Variants in ASTN2 observed in about 807,000 individuals in gnomAD.
ASTN2 encodes astrotactin 2.
In ASTN2, 54 loss-of-function variants were observed where a neutral mutation model predicts 139.8. That is an observed-to-expected ratio of 0.39 (90% confidence interval 0.31 to 0.48). The LOEUF (loss-of-function observed/expected upper bound fraction) is 0.48. ASTN2 is among the 20% of genes least tolerant of loss of function. The probability of loss-of-function intolerance (pLI) is 0.95; values close to 1 mark genes in which losing one functional copy is unlikely to be tolerated. For synonymous variants in ASTN2, 756 were observed against 719.5 expected (o/e 1.05, Z -0.81); for missense variants, 1,565 against 1,725.1 (o/e 0.91, Z 1.64).
At position 116,729,717 on chromosome 9, in the gene ASTN2, T is replaced by A. The variant is rs11999648; in HGVS notation, c.2522-621A>T. On this transcript the variant is annotated intron_variant, in intron 14 of 22. Coordinates refer to ENST00000313400, the MANE Select transcript of ASTN2 (RefSeq NM_001365068.1). ...TCATTTCTTAACATGGAAACATGGA[T>A]GTTCATAAGTATTATGTAAAATATA... is the stretch of plus-strand genomic sequence containing the variant. Among the ~76,000 whole-genome samples the A allele has an allele frequency of 7.1e-3, 1,075 of 152,364 alleles. 12 individuals are homozygous for A. The highest frequency in any genetic ancestry group is 0.024 in the African/African-American group (997 of 41,594).
At chr9:117,356,454 A>T (rs975541846) in intron 1 of ASTN2, among the ~76,000 whole-genome samples, 4 of 152,210 alleles carry the variant, frequency 2.6e-5, no homozygotes, top group African/African-American at 9.6e-5. Flanking sequence ...ATGGCCATCA[A>T]TTAAAATCAG....
chr9:117,040,751 T>C (rs1855464), intron 5 of ASTN2, among the ~76,000 whole-genome samples: 42,517 of 152,092 alleles, frequency 0.28, 6,226 homozygotes, highest in Middle Eastern at 0.32. Context: ...AAGCCACCAC[T>C]TCAGTTTCTT....
intron 3 of ASTN2, among the ~76,000 whole-genome samples, chr9:117,211,699 C>T (rs779200918): frequency 8.5e-5 from 13 of 152,070 alleles, no homozygotes; most frequent in Admixed American, 2.6e-4. Context: ...TAAAAAAATT[C>T]GGAAAAGTTC....
chr9:117,175,941 G>T (rs1164955336), intron 3 of ASTN2, among the ~76,000 whole-genome samples: 1 of 151,684 alleles, frequency 6.6e-6, no homozygotes, highest in Non-Finnish European at 1.5e-5. Flanking sequence ...GTCATAGATT[G>T]GAAGAAGATA....
At position 116,698,290 on chromosome 9, in the gene ASTN2, C is replaced by G. The variant is rs1428454171; in HGVS notation, c.2806+27481G>C. ...AAGGACCTTCAGGCAAGGTATAAAG[C>G]AGTTCTCCAGGAGTATGGGCATGAG... On this transcript the variant is annotated intron_variant, in intron 16 of 22. Coordinates refer to ENST00000313400, the MANE Select transcript of ASTN2 (RefSeq NM_001365068.1). This position sits in a 1 kb window ranked among gnomAD's most constrained non-coding sequence, Gnocchi z 4.4. The G allele has an allele frequency of 6.2e-7, 1 of 1,614,182 alleles. No individual in the cohort carries two copies. Among genetic ancestry groups the G allele is most frequent in the South Asian group, 1.1e-5 (1 of 91,076 alleles).
intron 11 of ASTN2, among the ~76,000 whole-genome samples, chr9:116,832,883 A>G (rs765175933): frequency 3.9e-5 from 6 of 151,964 alleles, no homozygotes; most frequent in Non-Finnish European, 8.8e-5. Flanking sequence ...AATGTCTTAA[A>G]ATGATTTGGG....
chr9:117,030,772 G>T lies in ASTN2; in HGVS notation c.1423+9047C>A, dbSNP rs949251427. ...AAGAGATTTGAAGAAAAAAAAAAAA[G>T]AATTCTACTCTAGGGGGTATCCACA... On this transcript the variant is annotated intron_variant, in intron 6 of 22. Coordinates refer to ENST00000313400, the MANE Select transcript of ASTN2 (RefSeq NM_001365068.1). 3.3e-5 allele frequency among the ~76,000 whole-genome samples: 5 copies of T among 149,466 alleles called. No homozygotes were observed. In the South Asian group the frequency reaches 6.4e-4, roughly 19 times the overall value.
rs997392556 is a variant in ASTN2 at position 116,528,625 on chromosome 9, GA to G, written c.3356-41126del. Reference sequence around the variant, plus strand: ...AAATGTTAATAGCCAAGACAATGGGGAAAATATATTCAGGGCATTTCAGAAA... The same window carrying G: ...AAATGTTAATAGCCAAGACAATGGGGAAATATATTCAGGGCATTTCAGAAA... On this transcript the variant is annotated intron_variant, in intron 19 of 22. Transcript: ENST00000313400. Among the ~76,000 whole-genome samples, 29 of 152,312 alleles carry G rather than the reference GA, an allele frequency of 1.9e-4. 1 individual carries two copies. In the East Asian group the frequency reaches 5.2e-3, roughly 27 times the overall value.
intron 16 of ASTN2, among the ~76,000 whole-genome samples, chr9:116,718,607 G>T (rs149203455): frequency 6.6e-6 from 1 of 152,264 alleles, no homozygotes; most frequent in African/African-American, 2.4e-5. Context: ...TAAGCAGATT[G>T]TCCTCCTTAA....
At chr9:116,768,561 G>A (rs1309019253) in intron 13 of ASTN2, among the ~76,000 whole-genome samples, 2 of 152,038 alleles carry the variant, frequency 1.3e-5, no homozygotes, top group African/African-American at 4.8e-5. Flanking sequence ...GAATATTTCT[G>A]TCCCTGATGA....
At chr9:117,249,842 G>A (rs1200865835) in intron 2 of ASTN2, among the ~76,000 whole-genome samples, 1 of 152,076 alleles carries the variant, frequency 6.6e-6, no homozygotes, top group Admixed American at 6.6e-5. Context: ...TTATCCTGTT[G>A]CCTTCTTTGT....
In ASTN2 at chr9:116,932,581, T is replaced by C. The variant is rs140643871; in HGVS notation, c.1889+42627A>G. Reference sequence around the variant, plus strand: ...TTCAAATGTGGATGGGAGAGTTACATGCATGTGCCCTGGAACACCCCATGA... The same window carrying C: ...TTCAAATGTGGATGGGAGAGTTACACGCATGTGCCCTGGAACACCCCATGA... On this transcript the variant is annotated intron_variant, in intron 10 of 22. Transcript: ENST00000313400. Among the ~76,000 whole-genome samples, 638 of 152,156 alleles carry C rather than the reference T, an allele frequency of 4.2e-3. 3 individuals are homozygous for C. Among genetic ancestry groups the C allele is most frequent in the African/African-American group, 0.014 (572 of 41,510 alleles).
At chr9:116,679,055 C>T (rs1859676456) in intron 16 of ASTN2, among the ~76,000 whole-genome samples, 1 of 152,118 alleles carries the variant, frequency 6.6e-6, no homozygotes, top group East Asian at 1.9e-4. Context: ...CAGTTAGCCT[C>T]ATGCTATCTT....
At chr9:116,946,936 C>CAAAAAAAAAAAAAAAAAAAAAA (rs3983292) in intron 10 of ASTN2, among the ~76,000 whole-genome samples, 41 of 127,912 alleles carry the variant, frequency 3.2e-4, no homozygotes, top group African/African-American at 1.2e-3. Context: ...ACATTTTTGT[C>CAAAAAAAAAAAAAAAAAAAAAA]AAAAAAAAAA....
chr9:116,862,866 C>T lies in ASTN2; in HGVS notation c.2040+717G>A, dbSNP rs886577611. On this transcript the variant is annotated intron_variant, in intron 11 of 22. Coordinates refer to ENST00000313400, the MANE Select transcript of ASTN2 (RefSeq NM_001365068.1). ...CATACACGTTAAAAAGTCAGGCTCC[C>T]GGGACCTAATCTCCTCTCTAGAATA... 4.0e-5 allele frequency among the ~76,000 whole-genome samples: 6 copies of T among 151,518 alleles called. No homozygotes were observed. In the East Asian group the frequency reaches 5.8e-4, roughly 15 times the overall value.
At chr9:117,188,172 GAGAGAGAGAGAGAGAGAGAGAC>G (rs1462388161) in intron 3 of ASTN2, among the ~76,000 whole-genome samples, 441 of 125,278 alleles carry the variant, frequency 3.5e-3, no homozygotes, top group Middle Eastern at 7.8e-3. Flanking sequence ...GTGATAGAGA[GAGAGAGAGAGAGAGAGAGAGAC>G]AGAGAGAGAG....
intron 13 of ASTN2, among the ~76,000 whole-genome samples, chr9:116,792,232 T>C (rs1830578617): frequency 6.6e-6 from 1 of 152,128 alleles, no homozygotes; most frequent in Non-Finnish European, 1.5e-5. Flanking sequence ...TTACTTTCTA[T>C]CCCCAGTCAA....
At chr9:117,352,288 G>A (rs546819054) in intron 1 of ASTN2, among the ~76,000 whole-genome samples, 5 of 152,210 alleles carry the variant, frequency 3.3e-5, no homozygotes, top group Admixed American at 2.6e-4. Flanking sequence ...ACTGATTTCC[G>A]CTGTACTTTC....
intron 6 of ASTN2, among the ~76,000 whole-genome samples, chr9:117,032,842 G>A (rs1040884310): frequency 3.9e-5 from 6 of 152,178 alleles, no homozygotes; most frequent in South Asian, 2.1e-4. Context: ...CATGGGCTAA[G>A]AAGCCATACT....
Sources: gnomAD v4.1 joint callset for allele counts (sites outside exome capture counted in the v4.1 genomes callset) on GRCh38, gnomAD v4.1.1 for gene constraint, Gnocchi (gnomAD v3.1) non-coding constraint, MANE v1.5 for transcripts, NCBI Gene and HGNC (gene_info 2026-07-23, HGNC 2026-07-21) for gene names.